The following RBFOX1 variants were observed in gnomAD, a reference collection of about 807,000 sequenced individuals.
RBFOX1 encodes RNA binding protein fox-1 homolog 1.
Under a neutral mutation model 57.7 loss-of-function variants are expected in RBFOX1, and 8 were observed. The observed-to-expected ratio is 0.14, with a 90% CI of 0.08 to 0.25. The LOEUF is 0.25. RBFOX1 is among the 10% of genes least tolerant of loss of function. RBFOX1 has a pLI of 1.00. For missense variants in RBFOX1, 611 were observed against 548.5 expected (o/e 1.11, Z -1.14); for synonymous variants, 326 against 222.4 (o/e 1.47, Z -4.15).
chr16:6,561,918 C>T (rs932747971), intron 2 of RBFOX1, among the ~76,000 whole-genome samples: 1 of 152,154 alleles, frequency 6.6e-6, no homozygotes, highest in Non-Finnish European at 1.5e-5. Context: ...GTATGTATCA[C>T]TCTGGCCTAG....
chr16:7,439,494 A>G (rs913068109), intron 4 of RBFOX1, among the ~76,000 whole-genome samples: 1 of 152,092 alleles, frequency 6.6e-6, no homozygotes, highest in African/African-American at 2.4e-5. Flanking sequence ...AGAATTATCC[A>G]CCTAGTTCCT....
At chr16:6,282,364 T>G (rs1005320600) in intron 1 of RBFOX1, among the ~76,000 whole-genome samples, 161 of 151,574 alleles carry the variant, frequency 1.1e-3, no homozygotes, top group African/African-American at 3.2e-3. Context: ...TGTTTTTTTT[T>G]TTTTTTTTTT....
At chr16:6,119,610 A>G (rs139673054) in intron 1 of RBFOX1, among the ~76,000 whole-genome samples, 5 of 152,256 alleles carry the variant, frequency 3.3e-5, no homozygotes, top group East Asian at 1.9e-4. Flanking sequence ...TTTATTCAGT[A>G]TTTATATCAT....
chr16:6,074,237 A>T (rs1049640224), intron 1 of RBFOX1, among the ~76,000 whole-genome samples: 5 of 152,232 alleles, frequency 3.3e-5, no homozygotes, highest in South Asian at 2.1e-4. Flanking sequence ...CATGAGCCAC[A>T]GCGCCCGGCC....
chr16:5,263,992 A>AT (rs1371933293), intron 1 of RBFOX1, among the ~76,000 whole-genome samples: 2 of 152,266 alleles, frequency 1.3e-5, no homozygotes, highest in Non-Finnish European at 2.9e-5. Flanking sequence ...CAAGTCATCA[A>AT]TGGGGTATGG....
At chr16:5,878,099 CAA>C (rs2057662724) in intron 4 of RBFOX1, among the ~76,000 whole-genome samples, 1 of 152,096 alleles carries the variant, frequency 6.6e-6, no homozygotes, top group Non-Finnish European at 1.5e-5. Context: ...TGAAAAATAG[CAA>C]AGAGATTGCT....
At chr16:6,720,299 C>A (rs1018791914) in intron 3 of RBFOX1, among the ~76,000 whole-genome samples, 1 of 152,050 alleles carries the variant, frequency 6.6e-6, no homozygotes. Context: ...CCTGTTTCTG[C>A]TACGTAAGAC....
At chr16:7,406,225 C>A (rs575628586) in intron 4 of RBFOX1, among the ~76,000 whole-genome samples, 1 of 152,204 alleles carries the variant, frequency 6.6e-6, no homozygotes, top group African/African-American at 2.4e-5. Flanking sequence ...GGTAACATCC[C>A]CACCAAGGAT....
chr16:7,074,479 A>T (rs1332774643), intron 4 of RBFOX1, among the ~76,000 whole-genome samples: 1 of 152,230 alleles, frequency 6.6e-6, no homozygotes, highest in Non-Finnish European at 1.5e-5. Context: ...TAAAATGCTG[A>T]ATACAGAAAT....
chr16:7,283,588 G>T (rs957972119), intron 4 of RBFOX1, among the ~76,000 whole-genome samples: 2 of 152,004 alleles, frequency 1.3e-5, no homozygotes, highest in African/African-American at 4.8e-5. Flanking sequence ...CCCCTAGATC[G>T]CCTCTCCCTA....
intron 4 of RBFOX1, among the ~76,000 whole-genome samples, chr16:7,139,176 C>CTCTCTG (rs372381673): frequency 2.1e-4 from 30 of 145,792 alleles, no homozygotes; most frequent in Non-Finnish European, 7.5e-5. Flanking sequence ...CAATCTCTCT[C>CTCTCTG]TGTGTGTGTG....
intron 1 of RBFOX1, among the ~76,000 whole-genome samples, chr16:5,334,405 C>G (rs1164563749): frequency 6.6e-6 from 1 of 152,102 alleles, no homozygotes; most frequent in Non-Finnish European, 1.5e-5. Context: ...TTCAAGATGG[C>G]TATGTTCCTG....
chr16:5,370,228 G>C (rs1277562004), intron 1 of RBFOX1, among the ~76,000 whole-genome samples: 1 of 152,096 alleles, frequency 6.6e-6, no homozygotes, highest in East Asian at 1.9e-4. Flanking sequence ...ACCCAATGGT[G>C]GGTCAGCTGT....
intron 3 of RBFOX1, among the ~76,000 whole-genome samples, chr16:5,862,403 T>C (rs2057242613): frequency 6.6e-6 from 1 of 152,144 alleles, no homozygotes; most frequent in Non-Finnish European, 1.5e-5. Flanking sequence ...TTATTCAGTC[T>C]TGCTGCCTGG....
At position 5,344,745 on chromosome 16, in the gene RBFOX1, T is replaced by C. The variant is rs115008056; in HGVS notation, c.219+104640T>C. Among the ~76,000 whole-genome samples, 623 of 152,326 alleles carry C rather than the reference T, an allele frequency of 4.1e-3. 4 individuals carry two copies. The highest frequency in any genetic ancestry group is 0.014 in the African/African-American group (583 of 41,574). ...GATACATTTTTGGTTGAAAAAAATA[T>C]AACTTCATGAAAAAAGTAAACAAAA... is the stretch of plus-strand genomic sequence containing the variant. On this transcript the variant is annotated intron_variant, in intron 1 of 2. Coordinates refer to the RBFOX1 transcript ENST00000585867.
intron 2 of RBFOX1, among the ~76,000 whole-genome samples, chr16:6,584,190 A>C (rs1024822213): frequency 1.3e-5 from 2 of 151,860 alleles, no homozygotes; most frequent in African/African-American, 4.8e-5. Context: ...CTATTTTCTC[A>C]GTAAAACAAA....
chr16:6,446,672 G>T (rs1254560713), intron 2 of RBFOX1, among the ~76,000 whole-genome samples: 1 of 151,984 alleles, frequency 6.6e-6, no homozygotes, highest in East Asian at 1.9e-4. Flanking sequence ...TACTTTTTAG[G>T]ATTACTATTC....
intron 3 of RBFOX1, among the ~76,000 whole-genome samples, chr16:6,955,396 C>T (rs1400532005): frequency 6.6e-6 from 1 of 151,362 alleles, no homozygotes; most frequent in Non-Finnish European, 1.5e-5. Context: ...ACACTCAAAA[C>T]CCCTGTGTTC....
Position 6,293,169 on chromosome 16 carries a change from G to A in RBFOX1, c.-126-23826G>A, listed in dbSNP as rs947175457. 1.1e-4 allele frequency among the ~76,000 whole-genome samples: 17 copies of A among 152,232 alleles called. 1 individual carries two copies. In the East Asian group the frequency reaches 1.9e-3, roughly 17 times the overall value. ...TCATTTTCATAGTACCCTATTAAGT[G>A]GGTAATATTGTCATTTTATAGATGG... On this transcript the variant is annotated intron_variant, in intron 1 of 15. Transcript: ENST00000550418.
Sources: allele counts gnomAD v4.1 joint callset (sites outside exome capture counted in the v4.1 genomes callset), GRCh38; gene constraint gnomAD v4.1.1; transcripts MANE v1.5; gene names NCBI Gene and HGNC (gene_info 2026-07-23, HGNC 2026-07-21).